ATP2B2: variants seen among roughly 807,000 people sequenced by gnomAD.
The protein encoded by ATP2B2 is ATPase plasma membrane Ca2+ transporting 2.
In ATP2B2, 15 loss-of-function variants were observed where a neutral mutation model predicts 120.0. The ratio of observed to expected loss-of-function variants is 0.12; its 90% CI spans 0.08 to 0.19. The LOEUF (loss-of-function observed/expected upper bound fraction) is 0.19, where lower values mean the gene tolerates loss of function less well. Among genes scored for constraint, ATP2B2 ranks in the 10% least tolerant of loss-of-function variants. The pLI is 1.00. For synonymous variants in ATP2B2, 694 were observed against 700.3 expected, an observed-to-expected ratio of 0.99 and a Z score of 0.14; for missense variants, 1,045 against 1,719.8, an observed-to-expected ratio of 0.61 and a Z score of 6.94.
At position 10,425,575 on chromosome 3, in the gene ATP2B2, C is replaced by A. The variant is rs143497823; in HGVS notation, c.200-14760G>T. The stretch of plus-strand genomic sequence containing the variant: ...GGCTGTGAAGATTAAAATAAGGTAA[C>A]GAGTGTGACGCGCCGGGCACACGGT... On this transcript the variant is annotated intron_variant, in intron 2 of 22. Transcript: ENST00000360273. Among the ~76,000 whole-genome samples, 361 of 152,232 alleles carry A rather than the reference C, an allele frequency of 2.4e-3. 1 individual carries two copies. The highest frequency in any genetic ancestry group is 2.1e-3 in the Non-Finnish European group (142 of 68,020).
intron 1 of ATP2B2, among the ~76,000 whole-genome samples, chr3:10,500,083 C>T (rs1037200853): frequency 6.6e-6 from 1 of 151,968 alleles, no homozygotes; most frequent in African/African-American, 2.4e-5. Context: ...TACAGGCATG[C>T]ACCACCAGGC....
intron 8 of ATP2B2, among the ~76,000 whole-genome samples, chr3:10,379,678 G>A (rs1427324398): frequency 2.0e-5 from 3 of 152,154 alleles, no homozygotes; most frequent in Non-Finnish European, 4.4e-5. Context: ...TGTTTTCTGG[G>A]TTGAGAGAAG....
intron 3 of ATP2B2, among the ~76,000 whole-genome samples, chr3:10,523,254 G>A (rs1460639094): frequency 6.6e-6 from 1 of 152,210 alleles, no homozygotes; most frequent in Non-Finnish European, 1.5e-5. Flanking sequence ...CAGGCAGGTT[G>A]AGTAGGTGGG....
chr3:10,545,528 C>CAAA (rs5846669), intron 2 of ATP2B2, among the ~76,000 whole-genome samples: 5,548 of 132,412 alleles, frequency 0.042, 198 homozygotes, highest in African/African-American at 0.11. Context: ...GAATCCATCT[C>CAAA]AAAAAAAAAA....
chr3:10,655,536 C>G (rs1042487749), intron 1 of ATP2B2, among the ~76,000 whole-genome samples: 2 of 141,876 alleles, frequency 1.4e-5, no homozygotes, highest in Non-Finnish European at 3.0e-5. Flanking sequence ...CCTGGAACAG[C>G]AGCATCATCA....
At chr3:10,403,629 A>G (rs9841368) in intron 3 of ATP2B2, among the ~76,000 whole-genome samples, 31,046 of 152,046 alleles carry the variant, frequency 0.2, 7,507 homozygotes, top group African/African-American at 0.59. Flanking sequence ...TTTCCATGGA[A>G]AGGAATCTCC....
chr3:10,341,218 G>A (rs1267496018), intron 19 of ATP2B2, among the ~76,000 whole-genome samples: 4 of 152,156 alleles, frequency 2.6e-5, no homozygotes, highest in Non-Finnish European at 5.9e-5. Context: ...CCTCCCATGT[G>A]GCTTCATTCT....
intron 12 of ATP2B2, among the ~76,000 whole-genome samples, chr3:10,368,194 T>C (rs77553075): frequency 6.6e-6 from 1 of 152,130 alleles, no homozygotes; most frequent in African/African-American, 2.4e-5. Context: ...TCTTTTTTTT[T>C]TTCAGTAAAA....
chr3:10,358,304 T>C (rs1044847995), intron 14 of ATP2B2, among the ~76,000 whole-genome samples: 16 of 152,160 alleles, frequency 1.1e-4, no homozygotes, highest in Admixed American at 1.0e-3. Context: ...GACCCTGGAA[T>C]CCATGTTTGT....
At chr3:10,504,401 C>T (rs1039786208) in intron 1 of ATP2B2, among the ~76,000 whole-genome samples, 5 of 152,182 alleles carry the variant, frequency 3.3e-5, no homozygotes, top group African/African-American at 4.8e-5. Flanking sequence ...GCCCCTTCCA[C>T]GCTGGGCTCA....
At chr3:10,379,332 G>C in intron 8 of ATP2B2, 48 bp from the exon 9 acceptor site, 1 of 1,599,480 alleles carries the variant, frequency 6.3e-7, no homozygotes, top group Non-Finnish European at 8.6e-7. Context: ...GACAACACAT[G>C]GTCGGTCATC....
intron 1 of ATP2B2, among the ~76,000 whole-genome samples, chr3:10,693,871 T>C (rs960866800): frequency 2.0e-5 from 3 of 152,220 alleles, no homozygotes; most frequent in Non-Finnish European, 4.4e-5. Context: ...TATCAAATGA[T>C]GTTCAGTGAT....
intron 3 of ATP2B2, among the ~76,000 whole-genome samples, chr3:10,408,068 A>G (rs2062478532): frequency 6.6e-6 from 1 of 152,180 alleles, no homozygotes; most frequent in Non-Finnish European, 1.5e-5. Context: ...AACAAAACTC[A>G]CTAGCACCAT....
chr3:10,684,034 T>C (rs192523099), intron 1 of ATP2B2, among the ~76,000 whole-genome samples: 1 of 152,108 alleles, frequency 6.6e-6, no homozygotes, highest in Non-Finnish European at 1.5e-5. Context: ...TGGAGAATTG[T>C]CCCTTTCCCA....
chr3:10,366,719 G>A (rs568569439), intron 12 of ATP2B2, among the ~76,000 whole-genome samples: 10 of 152,304 alleles, frequency 6.6e-5, no homozygotes, highest in African/African-American at 2.2e-4. Flanking sequence ...TCCAGAGGTC[G>A]AGGAAAGAGC....
At chr3:10,345,155 G>T (rs1274108235) in intron 18 of ATP2B2, among the ~76,000 whole-genome samples, 1 of 152,182 alleles carries the variant, frequency 6.6e-6, no homozygotes. Context: ...GGGTGACCTT[G>T]AACAAGTCAC....
intron 19 of ATP2B2, among the ~76,000 whole-genome samples, chr3:10,341,591 A>C (rs369893896): frequency 6.6e-6 from 1 of 152,196 alleles, no homozygotes; most frequent in Non-Finnish European, 1.5e-5. Context: ...GATTACAGGC[A>C]TGAGCCACTG....
chr3:10,366,158 G>A (rs936700447), intron 12 of ATP2B2, among the ~76,000 whole-genome samples: 1 of 152,096 alleles, frequency 6.6e-6, no homozygotes, highest in African/African-American at 2.4e-5. Context: ...TGGCTTAGGG[G>A]GACTTTGAGG....
intron 1 of ATP2B2, among the ~76,000 whole-genome samples, chr3:10,473,424 G>T (rs1481423616): frequency 6.6e-6 from 1 of 152,202 alleles, no homozygotes; most frequent in Admixed American, 6.5e-5. Flanking sequence ...TTGAGGCCAG[G>T]AGTTTGAGAC....
Sources: gnomAD v4.1 joint callset for allele counts (sites outside exome capture counted in the v4.1 genomes callset) on GRCh38, gnomAD v4.1.1 for gene constraint, MANE v1.5 for transcripts, NCBI Gene and HGNC (gene_info 2026-07-23, HGNC 2026-07-21) for gene names.